The following KANK1 variants were observed in gnomAD, a reference collection of about 807,000 sequenced individuals.
KANK1 encodes KN motif and ankyrin repeat domains 1, also known as KN motif and ankyrin repeat domain-containing protein 1.
A neutral mutation model predicts 106.2 loss-of-function variants in KANK1; 109 were observed. The ratio of observed to expected loss-of-function variants is 1.03; its 90% CI spans 0.88 to 1.20. The LOEUF is 1.20. Ranked by LOEUF, KANK1 falls within the 50% of genes most tolerant of loss-of-function variation. The pLI, the probability that KANK1 is intolerant of heterozygous loss-of-function variation, is 0.00. For missense variants in KANK1, 2,399 were observed against 1,710.7 expected, an observed-to-expected ratio of 1.40 and a Z score of -7.10; for synonymous variants, 873 against 652.2, an observed-to-expected ratio of 1.34 and a Z score of -5.16.
At chr9:622,317 G>C (rs561476951) in intron 1 of KANK1, among the ~76,000 whole-genome samples, 2 of 152,266 alleles carry the variant, frequency 1.3e-5, no homozygotes, top group African/African-American at 4.8e-5. Flanking sequence ...ACTGCTCTAG[G>C]TGTGGTGAAA....
intron 8 of KANK1, among the ~76,000 whole-genome samples, 178 bp from the exon 9 acceptor site, chr9:740,614 A>T (rs1288563158): frequency 6.6e-6 from 1 of 152,086 alleles, no homozygotes; most frequent in African/African-American, 2.4e-5. Flanking sequence ...GGGGAAAAAA[A>T]GTTTTTGGTT....
chr9:556,664 CCTT>C (rs1393679477), intron 1 of KANK1, among the ~76,000 whole-genome samples: 29 of 128,778 alleles, frequency 2.3e-4, no homozygotes, highest in African/African-American at 7.2e-4. Context: ...CAGTTACTCT[CCTT>C]ACTCAAATTG....
At chr9:476,611 C>G (rs1370167292) in intron 3 of KANK1, 2 of 152,164 alleles carry the variant, frequency 1.3e-5, no homozygotes, top group Admixed American at 1.3e-4. Context: ...CACCCAGGAT[C>G]TCCTGTCTTC....
intron 1 of KANK1, among the ~76,000 whole-genome samples, chr9:627,432 C>T (rs1212443291): frequency 6.6e-6 from 1 of 152,130 alleles, no homozygotes; most frequent in Non-Finnish European, 1.5e-5. Context: ...GCATTGTGCC[C>T]AGGAGAGGAC....
chr9:588,073 A>C (rs1273688970), intron 1 of KANK1, among the ~76,000 whole-genome samples: 4 of 68,632 alleles, frequency 5.8e-5, no homozygotes, highest in African/African-American at 3.5e-4. Context: ...CTCAAGAAAA[A>C]AAAAAAGAAA....
At chr9:693,861 T>C (rs1169995331) in intron 2 of KANK1, 2 of 951,478 alleles carry the variant, frequency 2.1e-6, no homozygotes, top group African/African-American at 1.8e-5. Flanking sequence ...AAATATAAAC[T>C]CGAGCTCTGT....
chr9:623,752 G>C (rs1304520301), intron 1 of KANK1, among the ~76,000 whole-genome samples: 1 of 152,076 alleles, frequency 6.6e-6, no homozygotes, highest in African/African-American at 2.4e-5. Context: ...AACAAGTTTT[G>C]ACAAGGATAT....
At chr9:667,036 A>G (rs1389784925) in intron 1 of KANK1, among the ~76,000 whole-genome samples, 1 of 138,500 alleles carries the variant, frequency 7.2e-6, no homozygotes, top group Non-Finnish European at 1.5e-5. Flanking sequence ...TAGAATTATT[A>G]TAGTTCTTCT....
At chr9:549,935 A>C (rs988314030) in intron 1 of KANK1, among the ~76,000 whole-genome samples, 2 of 152,070 alleles carry the variant, frequency 1.3e-5, no homozygotes, top group African/African-American at 4.8e-5. Context: ...TCCTGGGTTG[A>C]GGGGGCAGTG....
intron 8 of KANK1, among the ~76,000 whole-genome samples, chr9:740,008 G>A (rs1462272066): frequency 6.6e-6 from 1 of 151,960 alleles, no homozygotes; most frequent in Non-Finnish European, 1.5e-5. Flanking sequence ...AAATGTTCAT[G>A]GTACCTTTTA....
chr9:667,365 T>G (rs1844877086), intron 1 of KANK1, among the ~76,000 whole-genome samples: 1 of 152,022 alleles, frequency 6.6e-6, no homozygotes. Flanking sequence ...AACTAAACTT[T>G]TGTTTTGTTG....
chr9:734,981 C>T, intron 7 of KANK1, 146 bp downstream of exon 7: 1 of 639,952 alleles, frequency 1.6e-6, no homozygotes, highest in Non-Finnish European at 2.8e-6. Context: ...GGGTAAACAT[C>T]ATGTGGTCTT....
At chr9:713,615 A>C in intron 3 of KANK1, 151 bp downstream of exon 3, 1 of 835,070 alleles carries the variant, frequency 1.2e-6, no homozygotes, top group Non-Finnish European at 1.8e-6. Context: ...AAAACTAAGA[A>C]TCAAAATCCA....
chr9:660,970 A>G (rs10815439), intron 1 of KANK1, among the ~76,000 whole-genome samples: 90,426 of 152,082 alleles, frequency 0.59, 28,791 homozygotes, highest in East Asian at 0.88. Context: ...ACCTTTGACA[A>G]GGGAACAAAT....
At chr9:724,276 T>A (rs1303452898) in intron 3 of KANK1, among the ~76,000 whole-genome samples, 1 of 152,180 alleles carries the variant, frequency 6.6e-6, no homozygotes, top group African/African-American at 2.4e-5. Context: ...AGCTGTTGCT[T>A]CAAAATAATC....
intron 1 of KANK1, among the ~76,000 whole-genome samples, chr9:523,770 C>G (rs1026342504): frequency 9.2e-5 from 14 of 151,594 alleles, no homozygotes; most frequent in African/African-American, 2.9e-4. Flanking sequence ...GAGTTATAAC[C>G]TGTCTTCTCC....
intron 1 of KANK1, among the ~76,000 whole-genome samples, chr9:628,665 C>T (rs974247313): frequency 3.9e-5 from 6 of 152,104 alleles, no homozygotes; most frequent in African/African-American, 1.4e-4. Context: ...AGATTCCTCC[C>T]CTCTCTGCCC....
At chr9:554,915 A>G (rs192484512) in intron 1 of KANK1, among the ~76,000 whole-genome samples, 13 of 152,348 alleles carry the variant, frequency 8.5e-5, no homozygotes, top group Non-Finnish European at 1.6e-4. Context: ...ACCATGGGCA[A>G]GTATTCTCAG....
At chr9:731,352 G>T in intron 5 of KANK1, 86 bp downstream of exon 5, 1 of 745,762 alleles carries the variant, frequency 1.3e-6, no homozygotes. Flanking sequence ...GCCTAGTCGG[G>T]GAAGCGGCCA....
Sources: allele counts gnomAD v4.1 joint callset (sites outside exome capture counted in the v4.1 genomes callset), GRCh38; gene constraint gnomAD v4.1.1; transcripts MANE v1.5; gene names NCBI Gene and HGNC (gene_info 2026-07-23, HGNC 2026-07-21).